RSL1D1: variants seen among roughly 807,000 people sequenced by gnomAD.
RSL1D1 encodes ribosomal L1 domain containing 1, also known as ribosomal L1 domain-containing protein 1.
Under a neutral mutation model 44.6 loss-of-function variants are expected in RSL1D1, and 34 were observed. That is an observed-to-expected ratio of 0.76 (90% CI 0.58 to 1.02). RSL1D1 has a LOEUF of 1.02. Ranked by LOEUF, RSL1D1 falls within the 50% of genes least tolerant of loss-of-function variation. The pLI is 0.00. For missense variants in RSL1D1, 767 were observed against 568.1 expected, an observed-to-expected ratio of 1.35 and a Z score of -3.56; for synonymous variants, 271 against 207.4, an observed-to-expected ratio of 1.31 and a Z score of -2.63.
At chr16:11,839,583 G>A (rs2053749153) in intron 8 of RSL1D1, 112 bp downstream of exon 8, 2 of 1,342,922 alleles carry the variant, frequency 1.5e-6, no homozygotes, top group Non-Finnish European at 2.0e-6. Context: ...CACCTTCACA[G>A]TTCTTTGGGT....
rs3743590 is a variant in RSL1D1 at position 11,836,480 on chromosome 16, C to A, written c.*1307G>T. Reference sequence around the variant, plus strand: ...CCAATTCACAACCAGTGAAAGGCCACGTACCTAAAAAGGTGTTTACTGCCT... The same window carrying A: ...CCAATTCACAACCAGTGAAAGGCCAAGTACCTAAAAAGGTGTTTACTGCCT... On this transcript the variant is annotated 3_prime_UTR_variant, in exon 9 of 9. Transcript: ENST00000571133. The A allele has an allele frequency of 0.57, 87,349 of 152,038 alleles. 25,576 individuals are homozygous for A. The highest frequency in any genetic ancestry group is 0.67 in the Admixed American group (10,257 of 15,278). 9.4% of individuals were successfully genotyped at this position (152,038 alleles called of 1,614,324 possible). A position where few individuals can be genotyped will look rare whatever the true frequency, so the allele number is the denominator to read the frequency against.
At position 11,834,252 on chromosome 16, in the gene RSL1D1, C is replaced by T. The variant is rs2053702268; in HGVS notation, c.*3535G>A. 1 of 152,196 alleles carries T rather than the reference C, an allele frequency of 6.6e-6. No homozygotes were observed. The highest frequency in any genetic ancestry group is 6.5e-5 in the Admixed American group (1 of 15,272). 9.4% of individuals were successfully genotyped at this position (152,196 alleles called of 1,614,324 possible). A position where few individuals can be genotyped will look rare whatever the true frequency, so the allele number is the denominator to read the frequency against. The stretch of plus-strand genomic sequence containing the variant: ...ACTTTTTGATGGTATAAAAGCGATA[C>T]ATAATCAGTACAAACCATATACATA... On this transcript the variant is annotated 3_prime_UTR_variant, in exon 9 of 9. Transcript: ENST00000571133.
In RSL1D1 at chr16:11,846,598, G is replaced by A. The variant is rs1414091104; in HGVS notation, c.538C>T (p.Pro180Ser). 6.2e-7 allele frequency: 1 copy of A among 1,609,104 alleles called. No individual in the cohort carries two copies. The highest frequency in any genetic ancestry group is 1.3e-5 in the African/African-American group (1 of 74,740). ...TTGGACAGAAGGTTTACAGATACTG[G>A]AACTCTACAAAATAAACACACAGGC... ...GRHFYQRKKV[P>S]VSVNLLSKNL... The change falls in exon 5 of 9, where the codon CCA (proline) becomes TCA (serine). Residue 180 changes from proline (P) to serine (S), a missense_variant. Physicochemically the swap from Pro to Ser is moderately conservative, Grantham distance 74. Transcript: ENST00000571133.
intron 8 of RSL1D1, among the ~76,000 whole-genome samples, chr16:11,839,008 C>A (rs1163694804): frequency 6.6e-6 from 1 of 152,138 alleles, no homozygotes; most frequent in Non-Finnish European, 1.5e-5. Flanking sequence ...CCTGAGTCTT[C>A]CAAATGTAGC....
At chr16:11,848,402 CAT>C (rs1491260993) in intron 2 of RSL1D1, among the ~76,000 whole-genome samples, 4 of 152,198 alleles carry the variant, frequency 2.6e-5, no homozygotes, top group Admixed American at 2.0e-4. Context: ...AATTATTATA[CAT>C]ATGTTGCTGT....
chr16:11,839,295 G>A (rs149416647), intron 8 of RSL1D1, among the ~76,000 whole-genome samples: 1 of 151,734 alleles, frequency 6.6e-6, no homozygotes, highest in African/African-American at 2.4e-5. Context: ...GAACCAGGGA[G>A]GCGGAGGTTG....
chr16:11,848,935 G>C (rs2053817387), intron 2 of RSL1D1, among the ~76,000 whole-genome samples: 1 of 151,856 alleles, frequency 6.6e-6, no homozygotes, highest in South Asian at 2.1e-4. Context: ...CCACCATCAT[G>C]TCTGGCTAAT....
chr16:11,847,268 G>A (rs931473006), intron 3 of RSL1D1, among the ~76,000 whole-genome samples: 4 of 152,094 alleles, frequency 2.6e-5, no homozygotes, highest in African/African-American at 2.4e-5. Flanking sequence ...CCAGCTATTC[G>A]GTAGGCTGAG....
At position 11,837,983 on chromosome 16, in the gene RSL1D1, TTCCCTGGG is replaced by T; in HGVS notation, c.1269_1276del (p.Pro424LysfsTer41). ...GATTTTTGGCTTCTTCTCTGGGCTT[TTCCCTGGG>T]GTCTCAGACTCTGCAGCTTTTGGGG... On this transcript the variant is annotated frameshift_variant, in exon 9 of 9. Coordinates refer to ENST00000571133, the MANE Select transcript of RSL1D1 (RefSeq NM_015659.3). LOFTEE classifies it low-confidence loss of function (END_TRUNC). 6.2e-7 allele frequency: 1 copy of T among 1,614,134 alleles called. No homozygotes were observed.
At chr16:11,848,224 G>C (rs576579151) in intron 2 of RSL1D1, among the ~76,000 whole-genome samples, 10 of 152,262 alleles carry the variant, frequency 6.6e-5, no homozygotes, top group Non-Finnish European at 1.5e-4. Flanking sequence ...CTGGACTCCA[G>C]CCTGGGTAAC....
At chr16:11,850,239 A>T (rs143720915) in intron 2 of RSL1D1, 40 bp downstream of exon 2, 1 of 1,537,148 alleles carries the variant, frequency 6.5e-7, no homozygotes, top group Admixed American at 2.4e-5. Context: ...AAGAATAAAC[A>T]CACAGATAAA....
chr16:11,847,871 C>A, intron 2 of RSL1D1, 65 bp from the exon 3 acceptor site: 3 of 1,475,342 alleles, frequency 2.0e-6, no homozygotes, highest in Non-Finnish European at 2.8e-6. Context: ...GTTTGTATCA[C>A]ACAGAATACG....
chr16:11,841,230 C>A (rs896388908), intron 7 of RSL1D1, among the ~76,000 whole-genome samples: 2 of 151,848 alleles, frequency 1.3e-5, no homozygotes, highest in Non-Finnish European at 2.9e-5. Context: ...GGAAACAGGG[C>A]GACCATGTGT....
chr16:11,850,486 T>C (rs1276095973), intron 1 of RSL1D1, 68 bp from the exon 2 acceptor site: 4 of 1,508,466 alleles, frequency 2.7e-6, no homozygotes, highest in East Asian at 2.4e-5. Flanking sequence ...AAATGAAATG[T>C]TCTCAATCTA....
intron 1 of RSL1D1, chr16:11,850,926 G>C: frequency 4.9e-6 from 1 of 204,700 alleles, no homozygotes; most frequent in South Asian, 6.3e-5. Context: ...CTGACCTCAG[G>C]TGATCCACCC....
rs2053715264 is a variant in RSL1D1, at chr16:11,836,102, CAT to C, written c.*1683_*1684del. On this transcript the variant is annotated 3_prime_UTR_variant, in exon 9 of 9. Coordinates refer to ENST00000571133, the MANE Select transcript of RSL1D1 (RefSeq NM_015659.3). ...ATGCTAAACCATCACAGCTGTAAAT[CAT>C]GTGCTTAATGCAAGGTGCCCTTCTG... 6.6e-6 allele frequency: 1 copy of C among 152,200 alleles called. No homozygotes were observed. The highest frequency in any genetic ancestry group is 2.4e-5 in the African/African-American group (1 of 41,428). 9.4% of individuals were successfully genotyped at this position (152,200 alleles called of 1,614,324 possible).
chr16:11,849,192 T>A (rs1331496588), intron 2 of RSL1D1: 1 of 152,230 alleles, frequency 6.6e-6, no homozygotes, highest in African/African-American at 2.4e-5. Flanking sequence ...GAGACCAGCC[T>A]GGAGAACACA....
In RSL1D1 at chr16:11,850,441, A is replaced by G. The variant is rs781403023; in HGVS notation, c.106-23T>C. 6.3e-6 allele frequency: 10 copies of G among 1,584,828 alleles called. No homozygotes were observed. In the East Asian group the frequency reaches 1.8e-4, roughly 29 times the overall value. On this transcript the variant is annotated intron_variant, in intron 1 of 8. Coordinates refer to ENST00000571133, the MANE Select transcript of RSL1D1 (RefSeq NM_015659.3). The stretch of plus-strand genomic sequence containing the variant: ...AACCTGCAAAGTGGAAATTAGACAA[A>G]TAAGTGAAATGTTTTCACAATAACT...
At chr16:11,851,290 G>C in intron 1 of RSL1D1, 118 bp downstream of exon 1, 2 of 960,020 alleles carry the variant, frequency 2.1e-6, no homozygotes, top group Non-Finnish European at 3.4e-6. Flanking sequence ...CGGCCCGCCA[G>C]CGACCGTCCC....
Sources: allele counts gnomAD v4.1 joint callset (sites outside exome capture counted in the v4.1 genomes callset), GRCh38; gene constraint gnomAD v4.1.1; transcripts MANE v1.5; gene names NCBI Gene and HGNC (gene_info 2026-07-23, HGNC 2026-07-21).